The following CAP2 variants were observed in gnomAD, a reference collection of about 807,000 sequenced individuals.
The protein encoded by CAP2 is adenylyl cyclase-associated protein 2.
CAP2 carries 24 observed loss-of-function variants against 57.7 expected under a neutral mutation model. That is an observed-to-expected ratio of 0.42 (90% CI 0.30 to 0.58). CAP2 has a LOEUF of 0.58. Among genes scored for constraint, CAP2 ranks in the 20% least tolerant of loss-of-function variants. The pLI is 0.22. For synonymous variants in CAP2, 194 were observed against 207.2 expected, an observed-to-expected ratio of 0.94 and a Z score of 0.55; for missense variants, 501 against 590.3, an observed-to-expected ratio of 0.85 and a Z score of 1.57.
intron 6 of CAP2, among the ~76,000 whole-genome samples, chr6:17,508,667 T>C (rs1336776153): frequency 1.3e-5 from 2 of 152,064 alleles, no homozygotes; most frequent in Non-Finnish European, 2.9e-5. Flanking sequence ...CAGAGGCACC[T>C]GGGGACGTCT....
rs144618382 is a variant in CAP2, at chr6:17,530,557, G to C, written c.637-8712G>C. Among the ~76,000 whole-genome samples the C allele has an allele frequency of 2.6e-4, 39 of 152,220 alleles. No homozygotes were observed. In the East Asian group the frequency reaches 6.0e-3, roughly 23 times the overall value. ...GGAGTGTGTGTTTGTGTCCATGAAG[G>C]ACAGTTCGAGGAGGGGCTCATAAAG... is the stretch of plus-strand genomic sequence containing the variant. On this transcript the variant is annotated intron_variant, in intron 7 of 12. Transcript: ENST00000229922.
At chr6:17,536,057 G>A (rs1482095344) in intron 7 of CAP2, among the ~76,000 whole-genome samples, 1 of 152,174 alleles carries the variant, frequency 6.6e-6, no homozygotes, top group African/African-American at 2.4e-5. Flanking sequence ...GACCTCAGGT[G>A]ATCCACCCAG....
At chr6:17,447,827 T>C (rs768159459) in intron 3 of CAP2, among the ~76,000 whole-genome samples, 6 of 152,200 alleles carry the variant, frequency 3.9e-5, no homozygotes, top group Non-Finnish European at 8.8e-5. Context: ...TTCGAGGTAA[T>C]GAAACCATGC....
At chr6:17,441,152 A>G (rs779523997) in intron 3 of CAP2, among the ~76,000 whole-genome samples, 1 of 151,466 alleles carries the variant, frequency 6.6e-6, no homozygotes, top group Non-Finnish European at 1.5e-5. Flanking sequence ...ACATTAATAT[A>G]TTAGTATTTC....
chr6:17,547,789 T>C (rs1421586791), intron 11 of CAP2, among the ~76,000 whole-genome samples: 3 of 147,354 alleles, frequency 2.0e-5, no homozygotes, highest in African/African-American at 5.0e-5. Context: ...TGCAGTGAGC[T>C]GAGATCGCGC....
At chr6:17,426,991 A>G (rs1318939286) in intron 3 of CAP2, among the ~76,000 whole-genome samples, 1 of 152,246 alleles carries the variant, frequency 6.6e-6, no homozygotes, top group African/African-American at 2.4e-5. Flanking sequence ...ATATACAAAT[A>G]TATAAATGAA....
At chr6:17,412,721 A>G (rs1166913182) in intron 1 of CAP2, among the ~76,000 whole-genome samples, 1 of 151,904 alleles carries the variant, frequency 6.6e-6, no homozygotes, top group African/African-American at 2.4e-5. Context: ...GGGAGTAAGT[A>G]TTTCTTATTT....
intron 4 of CAP2, among the ~76,000 whole-genome samples, chr6:17,486,067 AG>A (rs1404189964): frequency 6.6e-6 from 1 of 152,132 alleles, no homozygotes; most frequent in Non-Finnish European, 1.5e-5. Flanking sequence ...AAAATAAGCC[AG>A]GCATGGTGGC....
chr6:17,436,123 C>CCTTCCTTCCTTCCT (rs1561782736), intron 3 of CAP2, among the ~76,000 whole-genome samples: 1 of 65,852 alleles, frequency 1.5e-5, no homozygotes, highest in African/African-American at 5.9e-5. Flanking sequence ...CCTTCCTTCC[C>CCTTCCTTCCTTCCT]TCCTTCCTTC....
chr6:17,427,130 G>A (rs1759614000), intron 3 of CAP2, among the ~76,000 whole-genome samples: 1 of 152,196 alleles, frequency 6.6e-6, no homozygotes, highest in Non-Finnish European at 1.5e-5. Context: ...GATGGAGAGA[G>A]GTAGTGAGCT....
chr6:17,491,184 T>A (rs1439649182), intron 4 of CAP2, among the ~76,000 whole-genome samples: 1 of 151,958 alleles, frequency 6.6e-6, no homozygotes, highest in Non-Finnish European at 1.5e-5. Context: ...GCCCCCGAGA[T>A]TGTCAGGGTG....
chr6:17,444,834 A>ACT (rs1760210270), intron 3 of CAP2, among the ~76,000 whole-genome samples: 2 of 151,124 alleles, frequency 1.3e-5, no homozygotes, highest in African/African-American at 4.9e-5. Flanking sequence ...ACACACACAC[A>ACT]CACACACACA....
intron 4 of CAP2, among the ~76,000 whole-genome samples, chr6:17,495,888 G>A (rs1027808738): frequency 1.3e-5 from 2 of 152,072 alleles, no homozygotes; most frequent in Admixed American, 6.5e-5. Context: ...AGTGGGGACA[G>A]GGCTGGCCAA....
intron 4 of CAP2, among the ~76,000 whole-genome samples, chr6:17,492,181 A>G (rs576819918): frequency 1.3e-5 from 2 of 152,260 alleles, no homozygotes; most frequent in Middle Eastern, 3.4e-3. Context: ...TCTATAATCA[A>G]CCATGGGAAA....
At chr6:17,415,433 G>T (rs1317662473) in intron 1 of CAP2, among the ~76,000 whole-genome samples, 1 of 152,242 alleles carries the variant, frequency 6.6e-6, no homozygotes, top group Admixed American at 6.5e-5. Context: ...GGGAGCCACT[G>T]TGGTTCCAAG....
intron 1 of CAP2, among the ~76,000 whole-genome samples, chr6:17,401,196 A>C (rs1433774130): frequency 6.6e-6 from 1 of 152,214 alleles, no homozygotes; most frequent in Admixed American, 6.5e-5. Context: ...GTCATGGGGT[A>C]GAGCACTCAT....
intron 3 of CAP2, among the ~76,000 whole-genome samples, chr6:17,437,270 T>C (rs1284115363): frequency 1.3e-5 from 2 of 149,620 alleles, no homozygotes; most frequent in Non-Finnish European, 1.5e-5. Flanking sequence ...ACTGGTCTAG[T>C]GGTTGGCCTG....
intron 4 of CAP2, among the ~76,000 whole-genome samples, chr6:17,477,783 A>G (rs1761187318): frequency 6.6e-6 from 1 of 152,140 alleles, no homozygotes; most frequent in East Asian, 1.9e-4. Flanking sequence ...ATTTTGGGGG[A>G]AGATCTATTT....
At chr6:17,457,317 C>T (rs1171908893) in intron 3 of CAP2, among the ~76,000 whole-genome samples, 1 of 152,226 alleles carries the variant, frequency 6.6e-6, no homozygotes, top group Admixed American at 6.5e-5. Context: ...AAAACCCCTA[C>T]GTTTGGCTTT....
Sources: allele counts gnomAD v4.1 joint callset (sites outside exome capture counted in the v4.1 genomes callset), GRCh38; gene constraint gnomAD v4.1.1; transcripts MANE v1.5; gene names NCBI Gene and HGNC (gene_info 2026-07-23, HGNC 2026-07-21).